POLA1: variants seen among roughly 807,000 people sequenced by gnomAD.
POLA1 encodes the protein DNA polymerase alpha 1, catalytic subunit.
POLA1 carries 15 observed loss-of-function variants against 124.0 expected under a neutral mutation model. The ratio of observed to expected loss-of-function variants is 0.12; its 90% CI spans 0.08 to 0.19. The LOEUF (loss-of-function observed/expected upper bound fraction) is 0.19, where lower values mean the gene tolerates loss of function less well. Ranked by LOEUF, POLA1 falls within the 10% of genes least tolerant of loss-of-function variation. The pLI is 1.00. For missense variants in POLA1, 886 were observed against 1,103.4 expected (o/e 0.80, Z 2.79); for synonymous variants, 408 against 389.4 (o/e 1.05, Z -0.56).
chrX:24,839,243 G>C (rs1310987841), intron 32 of POLA1, among the ~76,000 whole-genome samples: 1 of 111,050 alleles, frequency 9.0e-6, no homozygotes, highest in Non-Finnish European at 1.9e-5. Flanking sequence ...TTACATTTTA[G>C]CATTGAACTA....
intron 12 of POLA1, 108 bp downstream of exon 12, chrX:24,724,559 A>G (rs969611875): frequency 9.1e-6 from 4 of 441,763 alleles, no homozygotes; most frequent in African/African-American, 5.0e-5. Flanking sequence ...CTGTGCAGCT[A>G]TAATTTATTG....
At chrX:24,943,224 CTA>C (rs1286068829) in intron 36 of POLA1, among the ~76,000 whole-genome samples, 1 of 112,106 alleles carries the variant, frequency 8.9e-6, no homozygotes, top group Non-Finnish European at 1.9e-5. Flanking sequence ...ACGTCTTTAA[CTA>C]TAAAGAAAAG....
Position 24,714,590 on chromosome X carries a change from A to G in POLA1, c.383A>G (p.Asn128Ser), listed in dbSNP as rs150650096. Residue 128 changes from asparagine to serine, a missense_variant, in exon 5 of 37, where the codon AAT (asparagine) becomes AGT (serine). Asn to Ser is a conservative substitution (Grantham distance 46). Around this residue, in one of 7 missense-constraint regions of POLA1, gnomAD observed 337 missense variants for 402.8 expected, o/e 0.84. Coordinates refer to ENST00000379068, the MANE Select transcript of POLA1 (RefSeq NM_001330360.2). ...DGKARNKDKR[N>S]VKKLAVTKPN... The stretch of plus-strand genomic sequence containing the variant: ...AAAGCACGCAATAAAGACAAGAGGA[A>G]TGTAAAGAAGCTCGCAGTGACAAAA... 6.7e-6 allele frequency: 8 copies of G among 1,197,066 alleles called. No homozygotes were observed. The African/African-American group carries it at 1.2e-4, about 18-fold the overall frequency.
chrX:24,867,282 G>T (rs2046807674), intron 34 of POLA1, among the ~76,000 whole-genome samples: 1 of 111,007 alleles, frequency 9.0e-6, no homozygotes, highest in Admixed American at 9.5e-5. Context: ...TTCTATGAAT[G>T]ATAGTGTTAT....
chrX:24,900,003 A>T (rs1311329491), intron 35 of POLA1, among the ~76,000 whole-genome samples: 1 of 111,049 alleles, frequency 9.0e-6, no homozygotes. Flanking sequence ...TCACCTGCTG[A>T]TTGGTTTTTG....
chrX:24,886,391 A>G (rs2047066083), intron 34 of POLA1, among the ~76,000 whole-genome samples: 1 of 112,366 alleles, frequency 8.9e-6, no homozygotes, highest in African/African-American at 3.2e-5. Context: ...GAAGGTAGGA[A>G]TAATGCTTAC....
intron 10 of POLA1, among the ~76,000 whole-genome samples, chrX:24,720,796 T>C (rs1325875066): frequency 8.9e-6 from 1 of 112,586 alleles, no homozygotes; most frequent in Non-Finnish European, 1.9e-5. Context: ...TAGAGCTGCA[T>C]TGTCCACTGT....
chrX:24,903,520 G>A (rs1303375980), intron 35 of POLA1, among the ~76,000 whole-genome samples: 1 of 111,883 alleles, frequency 8.9e-6, no homozygotes, highest in Non-Finnish European at 1.9e-5. Context: ...TGAATATGGG[G>A]AACTAAGCGC....
rs1201163911 is a variant in POLA1 at position 24,763,334 on chromosome X, G to C, written c.2964+14342G>C. On this transcript the variant is annotated intron_variant, in intron 26 of 36. Transcript: ENST00000379068. ...GGGAAGGTATCAAGGTCAACTCTTGGCTGACTTGTGTAGGAAGATGGAGTA... is the reference window on the plus strand; with the variant it reads ...GGGAAGGTATCAAGGTCAACTCTTGCCTGACTTGTGTAGGAAGATGGAGTA... 4.9e-4 allele frequency among the ~76,000 whole-genome samples: 55 copies of C among 111,184 alleles called. 1 individual carries two copies. The highest frequency in any genetic ancestry group is 1.3e-4 in the Non-Finnish European group (7 of 53,049).
Position 24,814,964 on chromosome X carries a change from T to TC in POLA1, c.3297-15_3297-14insC, listed in dbSNP as rs751202806. 8 of 1,077,149 alleles carry TC rather than the reference T, an allele frequency of 7.4e-6. No individual in the cohort carries two copies. In the East Asian group the frequency reaches 1.6e-4, roughly 22 times the overall value. 88.8% of individuals were successfully genotyped at this position (1,077,149 alleles called of 1,213,427 possible). A position where few individuals can be genotyped will look rare whatever the true frequency, so the allele number is the denominator to read the frequency against. ...AACTGCTGTCTTTGTTTTGTTTTTT[T>TC]TTTTTTTTTTGCAGCTTTGTGATTG... On this transcript the variant is annotated splice_polypyrimidine_tract_variant and intron_variant, in intron 29 of 36. Transcript: ENST00000379068.
chrX:24,764,113 A>G (rs916794468), intron 26 of POLA1, among the ~76,000 whole-genome samples: 2 of 111,814 alleles, frequency 1.8e-5, no homozygotes, highest in African/African-American at 6.5e-5. Flanking sequence ...CTCATTTTTA[A>G]TAATGGTAAA....
In POLA1 at chrX:24,862,466, A is replaced by G. The variant is rs1334768772; in HGVS notation, c.4047+18789A>G. ...GCAGAATAAGGTTGCATCATTGTTT[A>G]TTTTGGATGTGGAAGGTTGATCAGA... On this transcript the variant is annotated intron_variant, in intron 34 of 36. Transcript: ENST00000379068. Among the ~76,000 whole-genome samples, 3 of 111,820 alleles carry G rather than the reference A, an allele frequency of 2.7e-5. No homozygotes were observed. The East Asian group carries it at 8.4e-4, about 31-fold the overall frequency.
At chrX:24,771,091 T>A (rs1472923407) in intron 26 of POLA1, among the ~76,000 whole-genome samples, 1 of 111,609 alleles carries the variant, frequency 9.0e-6, no homozygotes, top group Non-Finnish European at 1.9e-5. Flanking sequence ...TGAAGGTTCT[T>A]GTGATTCCTA....
At chrX:24,750,303 C>T (rs1932256628) in intron 26 of POLA1, among the ~76,000 whole-genome samples, 1 of 112,652 alleles carries the variant, frequency 8.9e-6, no homozygotes, top group African/African-American at 3.2e-5. Flanking sequence ...ATGATGAAAA[C>T]GTTCTCCATC....
intron 30 of POLA1, among the ~76,000 whole-genome samples, chrX:24,820,800 A>T (rs1348600011): frequency 1.8e-5 from 2 of 108,226 alleles, no homozygotes; most frequent in African/African-American, 6.8e-5. Flanking sequence ...GTGGTACTTT[A>T]TAATACTGGA....
intron 36 of POLA1, among the ~76,000 whole-genome samples, chrX:24,978,182 T>G (rs754994990): frequency 8.9e-6 from 1 of 111,816 alleles, no homozygotes; most frequent in South Asian, 3.7e-4. Context: ...ATCAGAGAGT[T>G]TTCAATGTAG....
In POLA1 at chrX:24,975,307, G is replaced by A. The variant is rs927437970; in HGVS notation, c.4262-20498G>A. On this transcript the variant is annotated intron_variant, in intron 36 of 36. Coordinates refer to ENST00000379068, the MANE Select transcript of POLA1 (RefSeq NM_001330360.2). ...TTACAGGCGTGGGCCACCGCACCCGGCCCTTGGGTGGCTACTTTCATAGAA... is the reference window on the plus strand; with the variant it reads ...TTACAGGCGTGGGCCACCGCACCCGACCCTTGGGTGGCTACTTTCATAGAA... Among the ~76,000 whole-genome samples the A allele has an allele frequency of 2.7e-5, 3 of 112,804 alleles. No individual in the cohort carries two copies. In the East Asian group the frequency reaches 8.3e-4, roughly 31 times the overall value.
At chrX:24,762,317 C>T (rs1314265284) in intron 26 of POLA1, among the ~76,000 whole-genome samples, 1 of 111,942 alleles carries the variant, frequency 8.9e-6, no homozygotes, top group East Asian at 2.8e-4. Flanking sequence ...ATGGAGTGTT[C>T]AGTCCATTAG....
chrX:24,965,872 C>A (rs1473811892), intron 36 of POLA1, among the ~76,000 whole-genome samples: 1 of 111,310 alleles, frequency 9.0e-6, no homozygotes, highest in Non-Finnish European at 1.9e-5. Flanking sequence ...AGTTGTGGAA[C>A]CCTCTCCTGG....
Sources: allele counts gnomAD v4.1 joint callset (sites outside exome capture counted in the v4.1 genomes callset), GRCh38; gene constraint gnomAD v4.1.1; regional missense constraint gnomAD v4.1.1; transcripts MANE v1.5; gene names NCBI Gene and HGNC (gene_info 2026-07-23, HGNC 2026-07-21).